Variants in MAN2A1 observed in about 807,000 individuals in gnomAD.
MAN2A1 encodes alpha-mannosidase 2.
Under a neutral mutation model 142.6 loss-of-function variants are expected in MAN2A1, and 76 were observed. The ratio of observed to expected loss-of-function variants is 0.53; its 90% CI spans 0.44 to 0.65. MAN2A1 has a LOEUF of 0.65. Among genes scored for constraint, MAN2A1 ranks in the 30% least tolerant of loss-of-function variants. MAN2A1 has a pLI of 0.00. For missense variants in MAN2A1, 1,311 were observed against 1,365.1 expected (o/e 0.96, Z 0.62); for synonymous variants, 559 against 473.2 (o/e 1.18, Z -2.35).
chr5:109,842,373 G>A lies in MAN2A1; in HGVS notation c.2612G>A (p.Arg871Gln), dbSNP rs376427482. ...GAAGTTTCCAATATTGTGGACATCCGAAAAGTATATAACCGTGAGATTGCA... is the reference window on the plus strand; with the variant it reads ...GAAGTTTCCAATATTGTGGACATCCAAAAAGTATATAACCGTGAGATTGCA... Reference protein sequence around the residue: ...SVEVSNIVDIRKVYNREIAMK... With the variant: ...SVEVSNIVDIQKVYNREIAMK... Residue 871 changes from arginine (R) to glutamine (Q), a missense_variant, in exon 17 of 22, where the codon CGA becomes CAA. By Grantham distance (43) the Arg-to-Gln change is conservative. Around this residue, in one of 3 missense-constraint regions of MAN2A1, gnomAD observed 890 missense variants for 920.5 expected, o/e 0.97. Transcript: ENST00000261483. 19 of 1,593,028 alleles carry A rather than the reference G, an allele frequency of 1.2e-5. No homozygotes were observed. Among genetic ancestry groups the A allele is most frequent in the East Asian group, 4.5e-5 (2 of 44,558 alleles).
At chr5:109,817,172 A>ATATATGTATATGTATATGTATATG (rs10524185) in intron 12 of MAN2A1, 101 bp from the exon 13 acceptor site, 10,443 of 1,028,878 alleles carry the variant, frequency 0.01, 81 homozygotes, top group Middle Eastern at 0.012. Context: ...TCTCAAAAAT[A>ATATATGTATATGTATATGTATATG]TATATGTATA....
At position 109,833,307 on chromosome 5, in the gene MAN2A1, G is replaced by A. The variant is rs563681102; in HGVS notation, c.2567-9021G>A. Among the ~76,000 whole-genome samples the A allele has an allele frequency of 6.8e-3, 1,029 of 152,206 alleles. 6 individuals are homozygous for A. Among genetic ancestry groups the A allele is most frequent in the Non-Finnish European group, 1.0e-2 (679 of 68,012 alleles). On this transcript the variant is annotated intron_variant, in intron 16 of 21. Coordinates refer to ENST00000261483, the MANE Select transcript of MAN2A1 (RefSeq NM_002372.4). ...GGCTGCAATCTCGGCACTTTGGGAG[G>A]CCAAGGCAGGCGGCTGGGAGGTGGA...
At position 109,786,359 on chromosome 5, in the gene MAN2A1, T is replaced by A. The variant is rs184940951; in HGVS notation, c.1760+1433T>A. Among the ~76,000 whole-genome samples, 97 of 152,146 alleles carry A rather than the reference T, an allele frequency of 6.4e-4. 1 individual carries two copies. The highest frequency in any genetic ancestry group is 3.3e-3 in the South Asian group (16 of 4,830). On this transcript the variant is annotated intron_variant, in intron 10 of 21. Coordinates refer to ENST00000261483, the MANE Select transcript of MAN2A1 (RefSeq NM_002372.4). ...CCTAAGAGGACATAGAAAAGTCATT[T>A]TCCTACACCGCCCACTTGCTATCTC... is the stretch of plus-strand genomic sequence containing the variant.
intron 16 of MAN2A1, among the ~76,000 whole-genome samples, chr5:109,839,404 G>A (rs1755141309): frequency 6.6e-6 from 1 of 152,024 alleles, no homozygotes; most frequent in Admixed American, 6.6e-5. Context: ...CAATAGTGGT[G>A]GAGATATTTG....
intron 8 of MAN2A1, among the ~76,000 whole-genome samples, chr5:109,775,467 A>G (rs932357304): frequency 8.0e-6 from 1 of 125,592 alleles, no homozygotes; most frequent in East Asian, 2.6e-4. Context: ...TCGTTTGCCT[A>G]TGGTTCTTAC....
chr5:109,738,123 A>G (rs1582843493), intron 4 of MAN2A1, among the ~76,000 whole-genome samples: 1 of 152,172 alleles, frequency 6.6e-6, no homozygotes, highest in Non-Finnish European at 1.5e-5. Context: ...CATGTAATCA[A>G]TCACCTGGGA....
Position 109,800,958 on chromosome 5 carries a change from C to T in MAN2A1, c.1943+11431C>T, listed in dbSNP as rs149842264. Among the ~76,000 whole-genome samples the T allele has an allele frequency of 9.8e-3, 1,486 of 152,286 alleles. 23 individuals carry two copies. Among genetic ancestry groups the T allele is most frequent in the African/African-American group, 0.034 (1,400 of 41,554 alleles). On this transcript the variant is annotated intron_variant, in intron 12 of 21. Transcript: ENST00000261483. ...TATGGGAAAAGTTTTGATTTAGAAT[C>T]ATCTCGCATTCATTGTTTTCTTCTT...
intron 12 of MAN2A1, among the ~76,000 whole-genome samples, chr5:109,815,726 T>C (rs1416860921): frequency 6.6e-6 from 1 of 152,194 alleles, no homozygotes; most frequent in Non-Finnish European, 1.5e-5. Context: ...TAATGAACAC[T>C]TTGTAATGCA....
intron 7 of MAN2A1, among the ~76,000 whole-genome samples, 171 bp downstream of exon 7, chr5:109,770,712 C>T (rs542950486): frequency 3.3e-5 from 5 of 152,014 alleles, no homozygotes; most frequent in Non-Finnish European, 5.9e-5. Flanking sequence ...TTGACTATGC[C>T]GGTTATGTGT....
intron 21 of MAN2A1, among the ~76,000 whole-genome samples, chr5:109,866,154 C>T (rs963267273): frequency 6.6e-6 from 1 of 152,138 alleles, no homozygotes; most frequent in African/African-American, 2.4e-5. Flanking sequence ...ATTTTTATTA[C>T]TTTTTTATTA....
chr5:109,856,878 A>G (rs1271238863), intron 20 of MAN2A1, among the ~76,000 whole-genome samples: 1 of 152,160 alleles, frequency 6.6e-6, no homozygotes, highest in Non-Finnish European at 1.5e-5. Flanking sequence ...CATAAAACAC[A>G]CAAATGCCCC....
intron 1 of MAN2A1, among the ~76,000 whole-genome samples, chr5:109,698,752 A>G (rs956311197): frequency 3.3e-5 from 5 of 152,090 alleles, no homozygotes; most frequent in Non-Finnish European, 7.4e-5. Context: ...GAGAGCTGGG[A>G]CTTTACCAAT....
intron 3 of MAN2A1, among the ~76,000 whole-genome samples, chr5:109,721,683 A>T (rs954853604): frequency 1.9e-4 from 29 of 152,182 alleles, no homozygotes; most frequent in African/African-American, 6.8e-4. Context: ...TCTGTTTTAG[A>T]GGAAGAATAG....
At chr5:109,800,555 A>C (rs1032756680) in intron 12 of MAN2A1, among the ~76,000 whole-genome samples, 1 of 152,218 alleles carries the variant, frequency 6.6e-6, no homozygotes, top group African/African-American at 2.4e-5. Context: ...CATGTGAACA[A>C]ATATTTTAAA....
At chr5:109,760,063 A>G (rs1238774430) in intron 5 of MAN2A1, among the ~76,000 whole-genome samples, 1 of 152,054 alleles carries the variant, frequency 6.6e-6, no homozygotes, top group East Asian at 1.9e-4. Context: ...GGTTTACAAC[A>G]TGCCATAGTG....
chr5:109,705,842 G>T (rs1397042011), intron 1 of MAN2A1, among the ~76,000 whole-genome samples: 1 of 152,144 alleles, frequency 6.6e-6, no homozygotes, highest in Middle Eastern at 3.2e-3. Flanking sequence ...CTGCCTTCCA[G>T]CAATAGCATC....
chr5:109,736,708 T>C (rs987651221), intron 4 of MAN2A1, among the ~76,000 whole-genome samples: 1 of 152,192 alleles, frequency 6.6e-6, no homozygotes, highest in Non-Finnish European at 1.5e-5. Flanking sequence ...TTCATTTTGA[T>C]TTACTTAATT....
At chr5:109,858,829 G>C (rs1755687566) in intron 20 of MAN2A1, among the ~76,000 whole-genome samples, 1 of 152,324 alleles carries the variant, frequency 6.6e-6, no homozygotes, top group African/African-American at 2.4e-5. Flanking sequence ...ACCTCAGTTG[G>C]TTTTCTTGAC....
intron 21 of MAN2A1, among the ~76,000 whole-genome samples, chr5:109,866,057 T>C (rs944405603): frequency 2.6e-5 from 4 of 152,212 alleles, no homozygotes; most frequent in African/African-American, 9.6e-5. Context: ...AAAAATGTGG[T>C]AGGAGCCCTG....
Sources: gnomAD v4.1 joint callset for allele counts (sites outside exome capture counted in the v4.1 genomes callset) on GRCh38, gnomAD v4.1.1 for gene constraint, gnomAD v4.1.1 regional missense constraint, MANE v1.5 for transcripts, NCBI Gene and HGNC (gene_info 2026-07-23, HGNC 2026-07-21) for gene names.